The following TTLL7 variants were observed in gnomAD, a reference collection of about 807,000 sequenced individuals.
TTLL7 encodes tubulin tyrosine ligase like 7.
TTLL7 carries 53 observed loss-of-function variants against 120.2 expected under a neutral mutation model. The observed-to-expected ratio is 0.44, with a 90% CI of 0.35 to 0.55. The LOEUF (loss-of-function observed/expected upper bound fraction) is 0.55. TTLL7 is among the 20% of genes least tolerant of loss of function. The pLI, the probability that TTLL7 is intolerant of heterozygous loss-of-function variation, is 0.00. For synonymous variants in TTLL7, 353 were observed against 351.7 expected, an observed-to-expected ratio of 1.00 and a Z score of -0.04; for missense variants, 803 against 1,054.7, an observed-to-expected ratio of 0.76 and a Z score of 3.31.
chr1:83,919,648 A>G, intron 13 of TTLL7, 51 bp downstream of exon 13: 3 of 1,521,898 alleles, frequency 2.0e-6, no homozygotes, highest in Non-Finnish European at 2.7e-6. Context: ...CTGTAAAGAC[A>G]TATTGTTTAG....
Position 83,984,756 on chromosome 1 carries a change from A to T in TTLL7, c.-177+14175T>A, listed in dbSNP as rs567452142. ...ACAGACATAAAGATGGCAACAGTAG[A>T]CTCTGGGGACTACTAGAGAGGGGAG... is the stretch of plus-strand genomic sequence containing the variant. On this transcript the variant is annotated intron_variant, in intron 1 of 20. Transcript: ENST00000260505. 6.6e-5 allele frequency among the ~76,000 whole-genome samples: 10 copies of T among 152,042 alleles called. No individual in the cohort carries two copies. In the South Asian group the frequency reaches 2.1e-3, roughly 32 times the overall value.
rs1659775303 is a variant in TTLL7, at chr1:83,933,533, T to C, written c.1047+75A>G. ...CAGTTAATGGGACAACTGTGTTAAG[T>C]ACACATTTTTAAAGCATTTATTTTA... On this transcript the variant is annotated intron_variant, in intron 9 of 20. Transcript: ENST00000260505. 3.4e-6 allele frequency: 5 copies of C among 1,460,964 alleles called. No homozygotes were observed. The South Asian group carries it at 5.3e-5, about 15-fold the overall frequency. 90.5% of individuals were successfully genotyped at this position (1,460,964 alleles called of 1,614,324 possible).
At chr1:83,897,194 A>C (rs930914341) in intron 18 of TTLL7, among the ~76,000 whole-genome samples, 1 of 152,044 alleles carries the variant, frequency 6.6e-6, no homozygotes, top group Admixed American at 6.6e-5. Context: ...CAGGCTAATA[A>C]CCACAAATGC....
intron 1 of TTLL7, among the ~76,000 whole-genome samples, chr1:83,997,560 C>A (rs1284708371): frequency 6.6e-6 from 1 of 152,198 alleles, no homozygotes; most frequent in Non-Finnish European, 1.5e-5. Context: ...CCATGGCTTA[C>A]TGAGTGGTCT....
At chr1:83,978,719 G>A in intron 1 of TTLL7, among the ~76,000 whole-genome samples, 1 of 152,256 alleles carries the variant, frequency 6.6e-6, no homozygotes, top group Non-Finnish European at 1.5e-5. Context: ...CTTGGAAAAG[G>A]AGAAGTAAAT....
chr1:83,993,612 A>G (rs1019369480), intron 1 of TTLL7, among the ~76,000 whole-genome samples: 1 of 152,236 alleles, frequency 6.6e-6, no homozygotes, highest in African/African-American at 2.4e-5. Flanking sequence ...TGCCCAGTGG[A>G]CCAACAATCT....
intron 20 of TTLL7, among the ~76,000 whole-genome samples, chr1:83,873,414 A>G (rs945326084): frequency 2.0e-5 from 3 of 152,126 alleles, no homozygotes; most frequent in African/African-American, 7.2e-5. Flanking sequence ...AAACAATTTG[A>G]TTTTTTTAAA....
At position 83,888,192 on chromosome 1, in the gene TTLL7, G is replaced by C. The variant is rs575119556; in HGVS notation, c.2369+2129C>G. On this transcript the variant is annotated intron_variant, in intron 19 of 20. Transcript: ENST00000260505. ...AACAGATTTTCTCATTGCTCTCCAT[G>C]GTAGAGAGTATCTGGGATTCATATA... 9.2e-5 allele frequency among the ~76,000 whole-genome samples: 14 copies of C among 152,090 alleles called. No homozygotes were observed. The East Asian group carries it at 1.5e-3, about 17-fold the overall frequency.
Position 83,926,783 on chromosome 1 carries a change from G to A in TTLL7, c.1142+2353C>T, listed in dbSNP as rs182761852. 1.4e-4 allele frequency among the ~76,000 whole-genome samples: 21 copies of A among 152,220 alleles called. No individual in the cohort carries two copies. The East Asian group carries it at 3.9e-3, about 28-fold the overall frequency. On this transcript the variant is annotated intron_variant, in intron 10 of 20. Coordinates refer to ENST00000260505, the MANE Select transcript of TTLL7 (RefSeq NM_024686.6). ...TTTAATCTAATTAACAAGTATTTCAGACCCAAGGATTCATGGGATTGTGAA... is the reference window on the plus strand; with the variant it reads ...TTTAATCTAATTAACAAGTATTTCAAACCCAAGGATTCATGGGATTGTGAA...
At chr1:83,916,938 G>T (rs1415871309) in intron 14 of TTLL7, among the ~76,000 whole-genome samples, 1 of 151,706 alleles carries the variant, frequency 6.6e-6, no homozygotes, top group Admixed American at 6.6e-5. Flanking sequence ...AAAAAAAGAA[G>T]AATTTTTTTT....
chr1:83,870,065 C>A lies in TTLL7; in HGVS notation c.2561G>T (p.Ser854Ile). The A allele has an allele frequency of 5.1e-6, 8 of 1,566,982 alleles. 1 individual carries two copies. The highest frequency in any genetic ancestry group is 2.1e-5 in the Admixed American group (1 of 47,240). ...TGGTGTTCTCAAGAAGAATTGGGTG[C>A]TCCCTGGTAGTAAATACCTAAAAAT... ...WGNSRYLLPGSTQFFLRTPTY... is the reference protein window; with the variant it reads ...WGNSRYLLPGITQFFLRTPTY... The change falls in exon 21 of 21, where the codon AGC (serine) becomes ATC (isoleucine). Residue 854 changes from serine (S) to isoleucine (I), a missense_variant. This residue lies in a region of TTLL7 where 388 missense variants were observed against 450.4 expected (regional missense o/e 0.86). Transcript: ENST00000260505.
intron 15 of TTLL7, among the ~76,000 whole-genome samples, chr1:83,910,798 CAA>C (rs1657613855): frequency 6.6e-6 from 1 of 151,934 alleles, no homozygotes; most frequent in South Asian, 2.1e-4. Flanking sequence ...TAGTATAAAA[CAA>C]AGTGGGTGAA....
At position 83,937,916 on chromosome 1, in the gene TTLL7, T is replaced by A. The variant is rs779346950; in HGVS notation, c.824A>T (p.Lys275Ile). The A allele has an allele frequency of 1.9e-6, 3 of 1,614,056 alleles. No individual in the cohort carries two copies. The highest frequency in any genetic ancestry group is 2.2e-5 in the East Asian group (1 of 44,854). The change falls in exon 8 of 21, where the codon AAA becomes ATA. Residue 275 changes from lysine to isoleucine, a missense_variant. Coordinates refer to ENST00000260505, the MANE Select transcript of TTLL7 (RefSeq NM_024686.6). ...TENKGSKRSIKWFTEFLQANQ... is the reference protein window; with the variant it reads ...TENKGSKRSIIWFTEFLQANQ... Reference sequence around the variant, plus strand: ...TGCTTGAAGGAATTCTGTAAACCATTTGATGGAACGTTTGCTGCCTTTGTT... The same window carrying A: ...TGCTTGAAGGAATTCTGTAAACCATATGATGGAACGTTTGCTGCCTTTGTT...
intron 20 of TTLL7, among the ~76,000 whole-genome samples, chr1:83,878,306 A>C (rs1233850557): frequency 6.6e-6 from 1 of 151,910 alleles, no homozygotes; most frequent in Non-Finnish European, 1.5e-5. Flanking sequence ...ATGACAGTTA[A>C]GTCTGTTAAT....
chr1:83,941,346 A>T (rs1312994227), intron 7 of TTLL7, among the ~76,000 whole-genome samples: 1 of 152,162 alleles, frequency 6.6e-6, no homozygotes, highest in Non-Finnish European at 1.5e-5. Context: ...TGTTTTTCCA[A>T]AACTAGCACA....
chr1:83,964,569 G>T (rs1571327275), intron 1 of TTLL7, among the ~76,000 whole-genome samples: 1 of 151,938 alleles, frequency 6.6e-6, no homozygotes, highest in African/African-American at 2.4e-5. Context: ...TCATCTTATT[G>T]GGTGTTCCAG....
At chr1:83,923,029 T>G (rs1170496829) in intron 10 of TTLL7, among the ~76,000 whole-genome samples, 1 of 150,334 alleles carries the variant, frequency 6.7e-6, no homozygotes, top group East Asian at 1.9e-4. Context: ...ACACCAAGAG[T>G]TCTGATTTTA....
intron 1 of TTLL7, chr1:83,979,211 G>A (rs1651756192): frequency 6.6e-6 from 1 of 152,228 alleles, no homozygotes; most frequent in Admixed American, 6.5e-5. Context: ...AGAGATTAGG[G>A]TTTTTCAAGA....
chr1:83,911,630 T>C (rs1051398137), intron 14 of TTLL7, among the ~76,000 whole-genome samples: 8 of 151,980 alleles, frequency 5.3e-5, no homozygotes, highest in Admixed American at 4.6e-4. Context: ...AGAGTATCCA[T>C]AAACAAAGAA....
Sources: allele counts gnomAD v4.1 joint callset (sites outside exome capture counted in the v4.1 genomes callset), GRCh38; gene constraint gnomAD v4.1.1; regional missense constraint gnomAD v4.1.1; transcripts MANE v1.5; gene names NCBI Gene and HGNC (gene_info 2026-07-23, HGNC 2026-07-21).